MAP2K7: variants seen among roughly 807,000 people sequenced by gnomAD.
The protein encoded by MAP2K7 is dual specificity mitogen-activated protein kinase kinase 7.
MAP2K7 carries 12 observed loss-of-function variants against 47.7 expected under a neutral mutation model. The ratio of observed to expected loss-of-function variants is 0.25; its 90% CI spans 0.16 to 0.41. The LOEUF (loss-of-function observed/expected upper bound fraction) is 0.41. Ranked by LOEUF, MAP2K7 falls within the 10% of genes least tolerant of loss-of-function variation. The pLI, the probability that MAP2K7 is intolerant of heterozygous loss-of-function variation, is 1.00. For synonymous variants in MAP2K7, 299 were observed against 243.0 expected, an observed-to-expected ratio of 1.23 and a Z score of -2.14; for missense variants, 415 against 600.3, an observed-to-expected ratio of 0.69 and a Z score of 3.23.
In MAP2K7 at chr19:7,903,923, G is replaced by A. The variant is rs564157092; in HGVS notation, c.-22G>A. The A allele has an allele frequency of 5.2e-5, 78 of 1,501,088 alleles. No homozygotes were observed. Among genetic ancestry groups the A allele is most frequent in the Non-Finnish European group, 6.6e-5 (74 of 1,123,370 alleles). 93.0% of individuals were successfully genotyped at this position (1,501,088 alleles called of 1,614,324 possible). ...ACTGACGGGCGGCCGGGCGGTGCGCGGCGGCGGTGGCGGCGGGGAAGATGG... is the reference window on the plus strand; with the variant it reads ...ACTGACGGGCGGCCGGGCGGTGCGCAGCGGCGGTGGCGGCGGGGAAGATGG... On this transcript the variant is annotated 5_prime_UTR_variant, in exon 1 of 11. Transcript: ENST00000397979.
intron 1 of MAP2K7, chr19:7,905,883 G>A: frequency 6.2e-7 from 1 of 1,609,156 alleles, no homozygotes; most frequent in Non-Finnish European, 8.5e-7. Flanking sequence ...ATCGCTGCTT[G>A]GACATCTGCA....
chr19:7,910,856 A>G (rs537403823), intron 6 of MAP2K7, 53 bp downstream of exon 6: 14 of 1,569,240 alleles, frequency 8.9e-6, no homozygotes, highest in South Asian at 4.6e-5. Flanking sequence ...GCGGTGAGTG[A>G]CCAGGCGGGG....
rs1279498308 is a variant in MAP2K7 at position 7,911,064 on chromosome 19, C to T, written c.760C>T (p.Arg254Trp). The change falls in exon 7 of 11, where the codon CGG becomes TGG. Residue 254 changes from arginine to tryptophan, a missense_variant. By Grantham distance (101) the Arg-to-Trp change is moderately radical (BLOSUM62 -3). Around this residue, in one of 3 missense-constraint regions of MAP2K7, gnomAD observed 206 missense variants for 368.8 expected, o/e 0.56. Transcript: ENST00000397979. The part of the protein sequence containing the change: ...VKPSNILLDE[R>W]GQIKLCDFGI... ...GCCCTCCAACATCCTGCTGGACGAG[C>T]GGGGCCAGATCAAGCTCTGCGACTT... The T allele has an allele frequency of 1.3e-5, 21 of 1,612,558 alleles. No individual in the cohort carries two copies. Among genetic ancestry groups the T allele is most frequent in the Admixed American group, 3.3e-5 (2 of 60,006 alleles).
chr19:7,906,054 C>T, intron 1 of MAP2K7: 3 of 611,704 alleles, frequency 4.9e-6, no homozygotes, highest in Admixed American at 5.6e-5. Flanking sequence ...CCTCCTCCTC[C>T]CCCTCCCTTA....
In MAP2K7 at chr19:7,903,951, G is replaced by A; in HGVS notation, c.7G>A (p.Ala3Thr). ...GGCGGTGGCGGCGGGGAAGATGGCG[G>A]CGTCCTCCCTGGAACAGAAGCTGTC... MA[A>T]SSLEQKLSRL... Residue 3 changes from alanine (A) to threonine (T), a missense_variant, in exon 1 of 11, where the codon GCG becomes ACG. By Grantham distance (58) the Ala-to-Thr change is moderately conservative. Around this residue, in one of 3 missense-constraint regions of MAP2K7, gnomAD observed 115 missense variants for 126.2 expected, o/e 0.91. Coordinates refer to ENST00000397979, the MANE Select transcript of MAP2K7 (RefSeq NM_145185.4). The A allele has an allele frequency of 6.5e-7, 1 of 1,533,402 alleles. No individual in the cohort carries two copies. The highest frequency in any genetic ancestry group is 8.8e-7 in the Non-Finnish European group (1 of 1,141,618). 95.0% of individuals were successfully genotyped at this position (1,533,402 alleles called of 1,614,324 possible).
intron 1 of MAP2K7, among the ~76,000 whole-genome samples, chr19:7,908,889 T>C (rs555586781): frequency 6.6e-6 from 1 of 152,240 alleles, no homozygotes; most frequent in South Asian, 2.1e-4. Flanking sequence ...CCTGTCTGTC[T>C]GTCTGTCTCC....
Position 7,912,498 on chromosome 19 carries a change from C to T in MAP2K7, c.*67C>T, listed in dbSNP as rs867456151. The T allele has an allele frequency of 2.0e-6, 3 of 1,522,224 alleles. No individual in the cohort carries two copies. Among genetic ancestry groups the T allele is most frequent in the Non-Finnish European group, 2.6e-6 (3 of 1,139,340 alleles). 94.3% of individuals were successfully genotyped at this position (1,522,224 alleles called of 1,614,324 possible). A position where few individuals can be genotyped will look rare whatever the true frequency, so the allele number is the denominator to read the frequency against. Reference sequence around the variant, plus strand: ...GCCACAGGCCCCCCTCCCCACTTGGCCACCCAGCTGCCTGCCAGGGGAGAC... The same window carrying T: ...GCCACAGGCCCCCCTCCCCACTTGGTCACCCAGCTGCCTGCCAGGGGAGAC... On this transcript the variant is annotated 3_prime_UTR_variant, in exon 11 of 11. Transcript: ENST00000397979.
In MAP2K7 at chr19:7,911,564, C is replaced by T. The variant is rs1217423750; in HGVS notation, c.1065C>T (p.Ser355=). The T allele has an allele frequency of 1.9e-6, 3 of 1,595,656 alleles. No homozygotes were observed. The highest frequency in any genetic ancestry group is 4.5e-5 in the East Asian group (2 of 44,202). ...TGGGCTTCTCGGGGGACTTCCAGTC[C>T]TTCGTCAAAGACTGGTGAGAACCTC... ...GHMGFSGDFQ[S]FVKDCLTKDH... The change falls in exon 9 of 11, where the codon TCC becomes TCT. Residue 355 remains serine, a synonymous_variant. Transcript: ENST00000397979.
chr19:7,907,612 C>T (rs570370067), intron 1 of MAP2K7, among the ~76,000 whole-genome samples: 104 of 152,312 alleles, frequency 6.8e-4, no homozygotes, highest in African/African-American at 2.5e-3. Context: ...GTACCTCCTT[C>T]CCCCAGTGCC....
At chr19:7,905,715 G>C in intron 1 of MAP2K7, 2 of 1,157,518 alleles carry the variant, frequency 1.7e-6, no homozygotes, top group Non-Finnish European at 2.6e-6. Flanking sequence ...CCTCCTCCTC[G>C]TTTATGATTT....
Position 7,911,234 on chromosome 19 carries a change from C to T in MAP2K7, c.856-16C>T, listed in dbSNP as rs777953356. The T allele has an allele frequency of 2.5e-6, 4 of 1,607,052 alleles. No individual in the cohort carries two copies. The highest frequency in any genetic ancestry group is 1.7e-6 in the Non-Finnish European group (2 of 1,175,544). ...CCCCAGCCTTGGAGATACGTCTTCT[C>T]CTCCCCCCCCTGCAGCCCGAGCGCA... On this transcript the variant is annotated splice_polypyrimidine_tract_variant and intron_variant, in intron 7 of 10. Transcript: ENST00000397979.
chr19:7,910,871 C>T, intron 6 of MAP2K7, 68 bp downstream of exon 6: 2 of 1,567,992 alleles, frequency 1.3e-6, no homozygotes, highest in Non-Finnish European at 1.7e-6. Context: ...GCGGGGCGTG[C>T]ACTGGGCAAG....
At chr19:7,904,100 C>CGGGCG (rs1377659501) in intron 1 of MAP2K7, 32 bp downstream of exon 1, 2 of 15,390 alleles carry the variant, frequency 1.3e-4, no homozygotes, top group Middle Eastern at 0.018. Flanking sequence ...AGGGGGCGGG[C>CGGGCG]GGGCGGGGCG....
chr19:7,908,675 C>T (rs746715899), intron 1 of MAP2K7, among the ~76,000 whole-genome samples: 1 of 151,992 alleles, frequency 6.6e-6, no homozygotes, highest in African/African-American at 2.4e-5. Context: ...TGTGTGTAGC[C>T]GTTGTCAGGG....
rs1982244015 is a variant in MAP2K7, at chr19:7,903,887, T to A, written c.-58T>A. ...TCCGGGCGCAGGCGCAGTGCGGTGT[T>A]TGTCTGCCGGACTGACGGGCGGCCG... On this transcript the variant is annotated 5_prime_UTR_variant, in exon 1 of 11. In the 5' UTR this introduces an upstream ATG that the reference lacks. Transcript: ENST00000397979. 1.6e-5 allele frequency: 22 copies of A among 1,337,510 alleles called. No homozygotes were observed. Among genetic ancestry groups the A allele is most frequent in the Non-Finnish European group, 2.1e-5 (21 of 1,011,426 alleles). 82.9% of individuals were successfully genotyped at this position (1,337,510 alleles called of 1,614,324 possible).
Position 7,910,075 on chromosome 19 carries a change from C to T in MAP2K7, c.279C>T (p.Asp93=). 1.2e-6 allele frequency: 2 copies of T among 1,605,404 alleles called. No individual in the cohort carries two copies. Among genetic ancestry groups the T allele is most frequent in the South Asian group, 1.1e-5 (1 of 90,016 alleles). ...TCCATGTCCCCAGCATTGAGATTGA[C>T]CAGAAGCTGCAGGAGATCATGAAGC... The part of the protein sequence containing the change: ...TPRSMESIEI[D]QKLQEIMKQT... Residue 93 remains aspartate, a synonymous_variant, in exon 3 of 11, where the codon GAC becomes GAT. Transcript: ENST00000397979.
rs963738195 is a variant in MAP2K7 at position 7,912,610 on chromosome 19, G to A, written c.*179G>A. ...CCCGCCCCGGGCCTACCAAGCCCCC[G>A]CCCTTCCCACCCCGGGGTCAGCCGG... On this transcript the variant is annotated 3_prime_UTR_variant, in exon 11 of 11. Coordinates refer to ENST00000397979, the MANE Select transcript of MAP2K7 (RefSeq NM_145185.4). 3.4e-4 allele frequency: 204 copies of A among 607,934 alleles called. No individual in the cohort carries two copies. The highest frequency in any genetic ancestry group is 6.5e-4 in the South Asian group (32 of 48,980). 37.7% of individuals were successfully genotyped at this position (607,934 alleles called of 1,614,324 possible).
rs1250190136 is a variant in MAP2K7 at position 7,912,436 on chromosome 19, T to A, written c.*5T>A. The stretch of plus-strand genomic sequence containing the variant: ...CACCTGCCCTTCTTCAGGTAGCTGC[T>A]TGGCGGCGGCCAGCCCCACAGGGGG... On this transcript the variant is annotated 3_prime_UTR_variant, in exon 11 of 11. Transcript: ENST00000397979. 1.9e-6 allele frequency: 3 copies of A among 1,608,820 alleles called. No homozygotes were observed. Among genetic ancestry groups the A allele is most frequent in the East Asian group, 4.5e-5 (2 of 44,834 alleles).
rs746875567 is a variant in MAP2K7 at position 7,910,802 on chromosome 19, C to T, written c.674C>T (p.Ala225Val). 9 of 1,586,892 alleles carry T rather than the reference C, an allele frequency of 5.7e-6. No homozygotes were observed. The highest frequency in any genetic ancestry group is 5.2e-6 in the Non-Finnish European group (6 of 1,161,684). ...PERILGKMTV[A>V]IVKALYYLKE... ...CGCATTCTGGGCAAGATGACAGTGG[C>T]GGTGAGTGACCAGGCGGGGCTTGCA... is the stretch of plus-strand genomic sequence containing the variant. The change falls in exon 6 of 11, where the codon GCG (alanine) becomes GTG (valine). Residue 225 changes from alanine to valine, a missense_variant and splice_region_variant. Ala to Val is a moderately conservative substitution (Grantham distance 64, BLOSUM62 0). Transcript: ENST00000397979.
Sources: gnomAD v4.1 joint callset for allele counts (sites outside exome capture counted in the v4.1 genomes callset) on GRCh38, gnomAD v4.1.1 for gene constraint, gnomAD v4.1.1 regional missense constraint, MANE v1.5 for transcripts, NCBI Gene and HGNC (gene_info 2026-07-23, HGNC 2026-07-21) for gene names.